The following MOBP variants were observed in gnomAD, a reference collection of about 807,000 sequenced individuals.
MOBP encodes myelin-associated oligodendrocyte basic protein.
In MOBP, 5 loss-of-function variants were observed where a neutral mutation model predicts 15.0. That is an observed-to-expected ratio of 0.33 (90% CI 0.17 to 0.70). MOBP has a LOEUF of 0.70. Among genes scored for constraint, MOBP ranks in the 30% least tolerant of loss-of-function variants. The probability of loss-of-function intolerance (pLI) is 0.67; values close to 1 mark genes in which losing one functional copy is unlikely to be tolerated. For missense variants in MOBP, 188 were observed against 257.8 expected (o/e 0.73, Z 1.85); for synonymous variants, 88 against 99.0 (o/e 0.89, Z 0.66).
rs2042977218 is a variant in MOBP, at chr3:39,502,004, G to C, written c.-4-62G>C. On this transcript the variant is annotated intron_variant, in intron 2 of 3. Transcript: ENST00000684792. This position sits in a 1 kb window ranked among gnomAD's most constrained non-coding sequence, Gnocchi z 6.3. ...AGTAGCAGGGGGCTTCCAGAGTAGA[G>C]GGCTCCCTTTCCTGATGTGCGTTTA... 2.1e-6 allele frequency: 3 copies of C among 1,409,118 alleles called. No individual in the cohort carries two copies. Among genetic ancestry groups the C allele is most frequent in the Admixed American group, 3.4e-5 (2 of 58,288 alleles). 87.3% of individuals were successfully genotyped at this position (1,409,118 alleles called of 1,614,324 possible).
At chr3:39,486,074 C>T (rs933640165) in intron 2 of MOBP, among the ~76,000 whole-genome samples, 2 of 152,150 alleles carry the variant, frequency 1.3e-5, no homozygotes, top group African/African-American at 4.8e-5. Flanking sequence ...ATAAAATAAT[C>T]TTTTTAGTTT....
chr3:39,519,093 A>G (rs114911145), downstream of MOBP, among the ~76,000 whole-genome samples: 814 of 152,316 alleles, frequency 5.3e-3, 6 homozygotes, highest in African/African-American at 0.019. Flanking sequence ...CAGCATCTCT[A>G]TTCTCTCCAG....
chr3:39,489,687 C>CCCT, intron 2 of MOBP, among the ~76,000 whole-genome samples: 1 of 85,380 alleles, frequency 1.2e-5, no homozygotes, highest in Non-Finnish European at 2.2e-5. Flanking sequence ...GTGTATTGTT[C>CCCT]CCCGCCCAGC....
At chr3:39,468,311 G>T (rs2042372752) in intron 1 of MOBP, among the ~76,000 whole-genome samples, 2 of 152,116 alleles carry the variant, frequency 1.3e-5, no homozygotes, top group Admixed American at 1.3e-4. Context: ...AGAAACAACA[G>T]GGAGTTTTCA....
intron 4 of MOBP, among the ~76,000 whole-genome samples, chr3:39,512,014 T>C (rs1199309328): frequency 6.6e-6 from 1 of 152,220 alleles, no homozygotes; most frequent in East Asian, 1.9e-4. Flanking sequence ...GTTCATCATA[T>C]TATAGGACTA....
At chr3:39,492,644 T>C (rs1268724854) in intron 2 of MOBP, among the ~76,000 whole-genome samples, 1 of 152,242 alleles carries the variant, frequency 6.6e-6, no homozygotes, top group East Asian at 1.9e-4. Context: ...TCTTGCTTTA[T>C]TAACCTGAAA....
At chr3:39,520,064 A>T (rs371800799), downstream of MOBP, among the ~76,000 whole-genome samples, 40 of 150,648 alleles carry the variant, frequency 2.7e-4, no homozygotes, top group South Asian at 8.4e-3. Context: ...ATTGCTCTGG[A>T]CTTTATACCC....
At chr3:39,495,392 C>A in intron 2 of MOBP, among the ~76,000 whole-genome samples, 1 of 150,388 alleles carries the variant, frequency 6.6e-6, no homozygotes. Context: ...TGAAGTTGCA[C>A]AATGGAAAAG....
In MOBP at chr3:39,496,238, G is replaced by A. The variant is rs142210948; in HGVS notation, c.-4-5828G>A. Among the ~76,000 whole-genome samples, 642 of 146,076 alleles carry A rather than the reference G, an allele frequency of 4.4e-3. 2 individuals carry two copies. Among genetic ancestry groups the A allele is most frequent in the African/African-American group, 0.015 (595 of 39,110 alleles). Reference sequence around the variant, plus strand: ...TTTTTGAGACGGATCTTGCTCTGTCGCCCAGGCTGGAGTGCAGTGGCCCGA... The same window carrying A: ...TTTTTGAGACGGATCTTGCTCTGTCACCCAGGCTGGAGTGCAGTGGCCCGA... On this transcript the variant is annotated intron_variant, in intron 2 of 3. Transcript: ENST00000684792.
At chr3:39,499,903 T>G (rs2042944986) in intron 2 of MOBP, 4 of 405,142 alleles carry the variant, frequency 9.9e-6, no homozygotes, top group Admixed American at 2.6e-5. Context: ...TTTGGCCAGA[T>G]GAAATGCCTC....
chr3:39,488,755 C>T lies in MOBP; in HGVS notation c.-5+8632C>T, dbSNP rs537619339. ...GCAGTCATCCTTGCCTTATTCTTTACAACAAATCGCACATCCAGTTTGTCC... is the reference window on the plus strand; with the variant it reads ...GCAGTCATCCTTGCCTTATTCTTTATAACAAATCGCACATCCAGTTTGTCC... On this transcript the variant is annotated intron_variant, in intron 2 of 3. Coordinates refer to ENST00000684792, the MANE Select transcript of MOBP (RefSeq NM_001393704.1). Among the ~76,000 whole-genome samples, 5 of 152,262 alleles carry T rather than the reference C, an allele frequency of 3.3e-5. No individual in the cohort carries two copies. The East Asian group carries it at 5.8e-4, about 18-fold the overall frequency.
rs1402069117 is a variant in MOBP at position 39,502,945 on chromosome 3, C to T, written c.*65C>T. 2 of 750,242 alleles carry T rather than the reference C, an allele frequency of 2.7e-6. No individual in the cohort carries two copies. Among genetic ancestry groups the T allele is most frequent in the Non-Finnish European group, 2.1e-6 (1 of 471,558 alleles). The allele number at this position is 750,242 out of a possible 1,614,324, so 46.5% of individuals were successfully genotyped here. On this transcript the variant is annotated 3_prime_UTR_variant, in exon 4 of 4. Transcript: ENST00000684792. This position sits in a 1 kb window ranked among gnomAD's most constrained non-coding sequence, Gnocchi z 6.3. Reference sequence around the variant, plus strand: ...TAGTTGCTTCCTGTGTTTACTAACACCGGGCTGTCTCCATGGCCCTCTTCA... The same window carrying T: ...TAGTTGCTTCCTGTGTTTACTAACATCGGGCTGTCTCCATGGCCCTCTTCA...
At chr3:39,493,676 A>C (rs1412268429) in intron 2 of MOBP, among the ~76,000 whole-genome samples, 1 of 152,244 alleles carries the variant, frequency 6.6e-6, no homozygotes, top group Admixed American at 6.5e-5. Flanking sequence ...CAGTAAGGGT[A>C]GCACTAAAGT....
intron 1 of MOBP, among the ~76,000 whole-genome samples, chr3:39,478,131 A>G (rs1419014337): frequency 6.6e-6 from 1 of 152,164 alleles, no homozygotes; most frequent in Non-Finnish European, 1.5e-5. Flanking sequence ...ACATTTACTC[A>G]CCACTCATTT....
chr3:39,495,750 CAAAAAAA>C (rs1179926622), intron 2 of MOBP, among the ~76,000 whole-genome samples: 4 of 60,200 alleles, frequency 6.6e-5, no homozygotes, highest in East Asian at 5.4e-4. Context: ...GAGACCTTGT[CAAAAAAA>C]AAAAAAAAAA....
At chr3:39,480,634 G>C (rs1352191707) in intron 2 of MOBP, among the ~76,000 whole-genome samples, 1 of 152,198 alleles carries the variant, frequency 6.6e-6, no homozygotes, top group Non-Finnish European at 1.5e-5. Flanking sequence ...TCACCCTCTA[G>C]TTAAACCTCT....
At chr3:39,524,180 A>C (rs1347702351) in intron 3 of MOBP, 2 of 152,208 alleles carry the variant, frequency 1.3e-5, no homozygotes, top group African/African-American at 4.8e-5. Flanking sequence ...CCACTGGGGG[A>C]ATAACTGTGG....
chr3:39,469,232 A>ATATACATATATACATG (rs1559412385), intron 1 of MOBP, among the ~76,000 whole-genome samples: 1 of 89,498 alleles, frequency 1.1e-5, no homozygotes, highest in African/African-American at 6.2e-5. Context: ...ATATATACAT[A>ATATACATATATACATG]TGTGTGTGTA....
intron 2 of MOBP, among the ~76,000 whole-genome samples, chr3:39,482,798 G>T (rs2042647528): frequency 6.6e-6 from 1 of 151,746 alleles, no homozygotes; most frequent in Non-Finnish European, 1.5e-5. Flanking sequence ...TTCCTCTCCA[G>T]CCCATCCTGC....
Sources: gnomAD v4.1 joint callset for allele counts (sites outside exome capture counted in the v4.1 genomes callset) on GRCh38, gnomAD v4.1.1 for gene constraint, Gnocchi (gnomAD v3.1) non-coding constraint, MANE v1.5 for transcripts, NCBI Gene and HGNC (gene_info 2026-07-23, HGNC 2026-07-21) for gene names.